Variants in NRG3 observed in about 807,000 individuals in gnomAD.
The protein encoded by NRG3 is pro-neuregulin-3, membrane-bound isoform.
Under a neutral mutation model 66.9 loss-of-function variants are expected in NRG3, and 31 were observed. The observed-to-expected ratio is 0.46, with a 90% CI of 0.35 to 0.63. The LOEUF (loss-of-function observed/expected upper bound fraction) is 0.63, where lower values mean the gene tolerates loss of function less well. Among genes scored for constraint, NRG3 ranks in the 20% least tolerant of loss-of-function variants. The probability of loss-of-function intolerance (pLI) is 0.00; values close to 1 mark genes in which losing one functional copy is unlikely to be tolerated. For synonymous variants in NRG3, 393 were observed against 359.4 expected (o/e 1.09, Z -1.06); for missense variants, 910 against 878.9 (o/e 1.04, Z -0.45).
In NRG3 at chr10:82,076,255, T is replaced by C. The variant is rs547402671; in HGVS notation, c.823+200092T>C. Reference sequence around the variant, plus strand: ...GGTTGATGCTCAAACATAAACTGTGTCCCGCGTAACTGTAGTTGCACGCCC... The same window carrying C: ...GGTTGATGCTCAAACATAAACTGTGCCCCGCGTAACTGTAGTTGCACGCCC... On this transcript the variant is annotated intron_variant, in intron 1 of 8. Coordinates refer to ENST00000372141, the MANE Select transcript of NRG3 (RefSeq NM_001010848.4). 5.3e-5 allele frequency among the ~76,000 whole-genome samples: 8 copies of C among 152,296 alleles called. No individual in the cohort carries two copies. The South Asian group carries it at 1.7e-3, about 32-fold the overall frequency.
chr10:82,265,182 C>G (rs2078232883), intron 1 of NRG3, among the ~76,000 whole-genome samples: 1 of 152,084 alleles, frequency 6.6e-6, no homozygotes, highest in African/African-American at 2.4e-5. Context: ...CTTGAGGGCT[C>G]TAATTATAAA....
At chr10:82,707,022 T>A (rs3046286) in intron 2 of NRG3, among the ~76,000 whole-genome samples, 34,919 of 136,904 alleles carry the variant, frequency 0.26, 4,398 homozygotes, top group Middle Eastern at 0.36. Context: ...AAAATAAATA[T>A]ATATATATAT....
chr10:82,092,730 T>C (rs1410770114), intron 1 of NRG3, among the ~76,000 whole-genome samples: 1 of 152,174 alleles, frequency 6.6e-6, no homozygotes, highest in African/African-American at 2.4e-5. Context: ...TCTTCCAGTA[T>C]ATTAAAGACA....
intron 1 of NRG3, among the ~76,000 whole-genome samples, chr10:82,111,319 G>T (rs1319142794): frequency 6.6e-6 from 1 of 152,104 alleles, no homozygotes; most frequent in Non-Finnish European, 1.5e-5. Flanking sequence ...TCTTAAACCA[G>T]GTCTCCCTCA....
intron 3 of NRG3, among the ~76,000 whole-genome samples, chr10:82,795,923 C>T (rs542856885): frequency 6.6e-6 from 1 of 152,014 alleles, no homozygotes; most frequent in Non-Finnish European, 1.5e-5. Flanking sequence ...GAAACAATGG[C>T]CTCCCATAAT....
intron 3 of NRG3, among the ~76,000 whole-genome samples, chr10:82,822,224 T>C (rs76929788): frequency 0.01 from 1,596 of 152,164 alleles, 36 homozygotes; most frequent in African/African-American, 0.037. Context: ...CAAAGAATAA[T>C]GTGGGACCGT....
At chr10:82,463,807 C>G (rs2091634001) in intron 2 of NRG3, among the ~76,000 whole-genome samples, 1 of 152,178 alleles carries the variant, frequency 6.6e-6, no homozygotes, top group Non-Finnish European at 1.5e-5. Context: ...ATTTACTTAA[C>G]AAGCCAAGTT....
At position 82,531,629 on chromosome 10, in the gene NRG3, A is replaced by G. The variant is rs11194902; in HGVS notation, c.953+172761A>G. ...CAAAATATCCCAGTTTACACATTAA[A>G]TCACGTGTTCACTCATCTGTGATAA... On this transcript the variant is annotated intron_variant, in intron 2 of 8. Coordinates refer to ENST00000372141, the MANE Select transcript of NRG3 (RefSeq NM_001010848.4). Among the ~76,000 whole-genome samples the G allele has an allele frequency of 1.7e-3, 256 of 152,010 alleles. 3 individuals carry two copies. In the East Asian group the frequency reaches 0.045, roughly 27 times the overall value.
chr10:82,224,715 A>G (rs1306128144), intron 1 of NRG3, among the ~76,000 whole-genome samples: 1 of 152,200 alleles, frequency 6.6e-6, no homozygotes, highest in Non-Finnish European at 1.5e-5. Context: ...ACTTAACAGA[A>G]CACATCAAAA....
intron 2 of NRG3, among the ~76,000 whole-genome samples, chr10:82,599,210 G>A (rs2047469447): frequency 6.6e-6 from 1 of 152,164 alleles, no homozygotes; most frequent in Non-Finnish European, 1.5e-5. Context: ...TTATACATAT[G>A]GGAGGACAAA....
intron 1 of NRG3, among the ~76,000 whole-genome samples, chr10:81,962,776 CA>C (rs565565719): frequency 2.8e-4 from 42 of 152,294 alleles, no homozygotes; most frequent in African/African-American, 8.9e-4. Flanking sequence ...GTCACATGTC[CA>C]ACCTCCTTGG....
At chr10:82,526,315 G>A (rs1846689544) in intron 2 of NRG3, among the ~76,000 whole-genome samples, 2 of 151,552 alleles carry the variant, frequency 1.3e-5, no homozygotes, top group South Asian at 2.1e-4. Context: ...AAATAGAATA[G>A]TGGATAAAAT....
At chr10:82,511,810 A>G (rs938337151) in intron 2 of NRG3, among the ~76,000 whole-genome samples, 4 of 151,998 alleles carry the variant, frequency 2.6e-5, no homozygotes, top group African/African-American at 9.7e-5. Context: ...TCAGGAAACT[A>G]TCAGACACCT....
intron 1 of NRG3, among the ~76,000 whole-genome samples, chr10:81,986,817 G>C (rs959225101): frequency 1.3e-5 from 2 of 151,986 alleles, no homozygotes; most frequent in Non-Finnish European, 2.9e-5. Context: ...TCTGACTACA[G>C]GTGCATGCCA....
At chr10:82,870,208 A>G (rs568075445) in intron 4 of NRG3, among the ~76,000 whole-genome samples, 1 of 151,878 alleles carries the variant, frequency 6.6e-6, no homozygotes, top group South Asian at 2.1e-4. Flanking sequence ...TAACTTTTCT[A>G]GACTGTCATA....
At position 82,905,164 on chromosome 10, in the gene NRG3, T is replaced by A. The variant is rs1355727436; in HGVS notation, c.1054+39727T>A. ...TTACCCATGGTCTTTATATTTAAAA[T>A]GTGTTTTTGATTTTCAAATTCTGCA... On this transcript the variant is annotated intron_variant, in intron 4 of 8. Coordinates refer to ENST00000372141, the MANE Select transcript of NRG3 (RefSeq NM_001010848.4). Among the ~76,000 whole-genome samples, 3 of 152,320 alleles carry A rather than the reference T, an allele frequency of 2.0e-5. No individual in the cohort carries two copies. The East Asian group carries it at 5.8e-4, about 29-fold the overall frequency.
At chr10:82,795,702 C>T (rs2060773367) in intron 3 of NRG3, among the ~76,000 whole-genome samples, 1 of 152,078 alleles carries the variant, frequency 6.6e-6, no homozygotes, top group Admixed American at 6.6e-5. Flanking sequence ...CATATTACCT[C>T]AGGTTACTTT....
intron 1 of NRG3, among the ~76,000 whole-genome samples, chr10:82,108,919 T>C (rs1330267542): frequency 1.3e-5 from 2 of 152,168 alleles, no homozygotes; most frequent in African/African-American, 4.8e-5. Context: ...ATTCCTGCTA[T>C]ATGAGCAACA....
At chr10:82,255,597 C>CAA (rs1234760963) in intron 1 of NRG3, among the ~76,000 whole-genome samples, 1 of 151,412 alleles carries the variant, frequency 6.6e-6, no homozygotes, top group Non-Finnish European at 1.5e-5. Flanking sequence ...TTTTAAAAAA[C>CAA]AAAAAACAAA....
Sources: gnomAD v4.1 joint callset for allele counts (sites outside exome capture counted in the v4.1 genomes callset) on GRCh38, gnomAD v4.1.1 for gene constraint, MANE v1.5 for transcripts, NCBI Gene and HGNC (gene_info 2026-07-23, HGNC 2026-07-21) for gene names.